Variants in DEF6 observed in about 807,000 individuals in gnomAD.
The protein encoded by DEF6 is differentially expressed in FDCP 6 homolog.
In DEF6, 32 loss-of-function variants were observed where a neutral mutation model predicts 80.5. The ratio of observed to expected loss-of-function variants is 0.40; its 90% CI spans 0.30 to 0.53. The LOEUF is 0.53. Ranked by LOEUF, DEF6 falls within the 20% of genes least tolerant of loss-of-function variation. The pLI is 0.57. For missense variants in DEF6, 575 were observed against 818.7 expected (o/e 0.70, Z 3.63); for synonymous variants, 300 against 337.9 (o/e 0.89, Z 1.23).
intron 1 of DEF6, among the ~76,000 whole-genome samples, chr6:35,301,078 C>G (rs1791308037): frequency 6.6e-6 from 1 of 152,146 alleles, no homozygotes; most frequent in African/African-American, 2.4e-5. Context: ...CTTCCAGTCT[C>G]CTGCACCTCC....
rs1791543624 is a variant in DEF6, at chr6:35,318,089, T to C, written c.917-84T>C. On this transcript the variant is annotated intron_variant, in intron 6 of 10. Coordinates refer to ENST00000316637, the MANE Select transcript of DEF6 (RefSeq NM_022047.4). This position sits in a 1 kb window ranked among gnomAD's most constrained non-coding sequence, Gnocchi z 5.1. ...TGATAATACTTTGTCCAGCGGGAGG[T>C]TGGAGAGTGGACTCGGGAAACTCCT... 6.5e-7 allele frequency: 1 copy of C among 1,542,720 alleles called. No individual in the cohort carries two copies. Among genetic ancestry groups the C allele is most frequent in the South Asian group, 1.2e-5 (1 of 82,712 alleles).
At chr6:35,317,635 G>T (rs1296176982) in intron 5 of DEF6, 6 of 415,556 alleles carry the variant, frequency 1.4e-5, no homozygotes, top group African/African-American at 8.2e-5. Context: ...ACTGAGTGGC[G>T]ATTATGTACT....
In DEF6 at chr6:35,319,709, T is replaced by C; in HGVS notation, c.1382+19T>C. 1 of 1,607,632 alleles carries C rather than the reference T, an allele frequency of 6.2e-7. No homozygotes were observed. On this transcript the variant is annotated intron_variant, in intron 8 of 10. Coordinates refer to ENST00000316637, the MANE Select transcript of DEF6 (RefSeq NM_022047.4). The surrounding 1 kb of genome is among the most constrained non-coding windows in gnomAD (Gnocchi z 4.5). ...AGACCAGGTAGGCCTGAGGAACCTC[T>C]TCTGGTTCTCTCACCACCCCTCCTG...
At position 35,312,816 on chromosome 6, in the gene DEF6, T is replaced by C. The variant is rs1354492070; in HGVS notation, c.807+44T>C. 6.4e-7 allele frequency: 1 copy of C among 1,573,752 alleles called. No homozygotes were observed. Among genetic ancestry groups the C allele is most frequent in the Non-Finnish European group, 8.6e-7 (1 of 1,157,390 alleles). On this transcript the variant is annotated intron_variant, in intron 5 of 10. Transcript: ENST00000316637. This position sits in a 1 kb window ranked among gnomAD's most constrained non-coding sequence, Gnocchi z 6.6. Reference sequence around the variant, plus strand: ...GTGGAGGACATCTCAGGGCCCAGAGTGTCCTCAGGGGCATGAGAAGACAAG... The same window carrying C: ...GTGGAGGACATCTCAGGGCCCAGAGCGTCCTCAGGGGCATGAGAAGACAAG...
chr6:35,321,046 G>A, intron 10 of DEF6, 72 bp downstream of exon 10: 2 of 1,576,356 alleles, frequency 1.3e-6, no homozygotes, highest in Admixed American at 3.4e-5. Flanking sequence ...GTCTCCCTGG[G>A]AGACCTCCAG....
rs375911090 is a variant in DEF6 at position 35,321,416 on chromosome 6, C to T, written c.*6C>T. 1.2e-5 allele frequency: 20 copies of T among 1,609,642 alleles called. 1 individual carries two copies. The highest frequency in any genetic ancestry group is 4.0e-5 in the African/African-American group (3 of 74,838). On this transcript the variant is annotated 3_prime_UTR_variant, in exon 11 of 11. Coordinates refer to ENST00000316637, the MANE Select transcript of DEF6 (RefSeq NM_022047.4). ...ATCCAGCACCAGAAAATTAGCCTCT[C>T]TTAGCCCCTTGTTCTTCCCAATGTC...
chr6:35,311,764 A>C (rs1190457695), intron 3 of DEF6, among the ~76,000 whole-genome samples: 1 of 151,966 alleles, frequency 6.6e-6, no homozygotes, highest in African/African-American at 2.4e-5. Flanking sequence ...CCACTCCCCA[A>C]CGCCTACCCC....
intron 9 of DEF6, among the ~76,000 whole-genome samples, 176 bp from the exon 10 acceptor site, chr6:35,320,708 G>A (rs770365173): frequency 6.6e-6 from 1 of 152,176 alleles, no homozygotes; most frequent in African/African-American, 2.4e-5. Flanking sequence ...CCATGAAATT[G>A]GAGGCAAACT....
intron 1 of DEF6, 41 bp downstream of exon 1, chr6:35,297,993 C>A (rs539923060): frequency 2.7e-6 from 4 of 1,501,058 alleles, no homozygotes; most frequent in Non-Finnish European, 3.6e-6. Flanking sequence ...GGCAGATGCA[C>A]CACACCAGCC....
chr6:35,313,348 A>G (rs1418479302), intron 5 of DEF6: 1 of 422,434 alleles, frequency 2.4e-6, no homozygotes, highest in South Asian at 1.7e-5. Context: ...CTTTTGATAT[A>G]TAACAGATGT....
intron 1 of DEF6, among the ~76,000 whole-genome samples, chr6:35,304,491 A>AT (rs753596247): frequency 8.5e-5 from 13 of 152,254 alleles, no homozygotes; most frequent in South Asian, 2.1e-4. Context: ...TTGGGCAAGA[A>AT]TATGCCTGAC....
intron 1 of DEF6, among the ~76,000 whole-genome samples, chr6:35,308,385 A>T (rs1562147859): frequency 4.0e-5 from 6 of 151,278 alleles, no homozygotes; most frequent in Non-Finnish European, 8.8e-5. Flanking sequence ...AAAAAAAAAA[A>T]GTTTTGGCCG....
chr6:35,309,196 C>A (rs899184725), intron 1 of DEF6, among the ~76,000 whole-genome samples: 16 of 152,232 alleles, frequency 1.1e-4, no homozygotes, highest in Admixed American at 5.9e-4. Flanking sequence ...AACTGTCTAG[C>A]ATTGTGGGAA....
chr6:35,320,236 C>T (rs552056168), intron 9 of DEF6, among the ~76,000 whole-genome samples: 11 of 152,200 alleles, frequency 7.2e-5, no homozygotes, highest in Non-Finnish European at 1.0e-4. Context: ...ATACTTAGTA[C>T]GTAGTAAGTG....
In DEF6 at chr6:35,297,943, C is replaced by A. The variant is rs1421654573; in HGVS notation, c.87C>A (p.Ser29=). ...DVEKSGKVSK[S]QLKVLSHNLY... Reference sequence around the variant, plus strand: ...AGAAGAGTGGCAAAGTCTCCAAGTCCCAGCTCAAGGTGAGGGGCACCCGGG... The same window carrying A: ...AGAAGAGTGGCAAAGTCTCCAAGTCACAGCTCAAGGTGAGGGGCACCCGGG... Residue 29 remains serine (S), a synonymous_variant, in exon 1 of 11, where the codon TCC becomes TCA. Transcript: ENST00000316637. 2.9e-5 allele frequency: 47 copies of A among 1,599,978 alleles called. No homozygotes were observed. The highest frequency in any genetic ancestry group is 3.9e-5 in the Non-Finnish European group (46 of 1,174,214).
chr6:35,321,691 AGCAAGCCGGGGCTACCT>A lies in DEF6; in HGVS notation c.*284_*300del, dbSNP rs1164606996. On this transcript the variant is annotated 3_prime_UTR_variant, in exon 11 of 11. Coordinates refer to ENST00000316637, the MANE Select transcript of DEF6 (RefSeq NM_022047.4). ...TTCTTGGGCTAGGAAAGAGAGAACA[AGCAAGCCGGGGCTACCT>A]GCCCCCAGGTGGCCACCAAGTTGTG... 1.2e-4 allele frequency: 38 copies of A among 318,676 alleles called. No homozygotes were observed. Among genetic ancestry groups the A allele is most frequent in the Middle Eastern group, 8.5e-4 (1 of 1,170 alleles). 19.7% of individuals were successfully genotyped at this position (318,676 alleles called of 1,614,324 possible).
intron 1 of DEF6, among the ~76,000 whole-genome samples, chr6:35,304,675 G>A (rs1475782731): frequency 6.6e-6 from 1 of 152,066 alleles, no homozygotes; most frequent in African/African-American, 2.4e-5. Flanking sequence ...TAGACTTTAG[G>A]AGTCAGTCAG....
intron 1 of DEF6, among the ~76,000 whole-genome samples, chr6:35,308,727 TAAATAAAATAATAA>T (rs1562148001): frequency 5.3e-4 from 63 of 118,518 alleles, no homozygotes; most frequent in Admixed American, 1.5e-3. Flanking sequence ...TAAAATAAAA[TAAATAAAATAATAA>T]AATAAAATAA....
At chr6:35,315,634 T>C (rs1300353650) in intron 5 of DEF6, among the ~76,000 whole-genome samples, 1 of 152,136 alleles carries the variant, frequency 6.6e-6, no homozygotes, top group Non-Finnish European at 1.5e-5. Flanking sequence ...TCATCAGTTT[T>C]ATAGTTTTTC....
Sources: allele counts gnomAD v4.1 joint callset (sites outside exome capture counted in the v4.1 genomes callset), GRCh38; gene constraint gnomAD v4.1.1; non-coding constraint Gnocchi (gnomAD v3.1); transcripts MANE v1.5; gene names NCBI Gene and HGNC (gene_info 2026-07-23, HGNC 2026-07-21).